The following WDFY4 variants were observed in gnomAD, a reference collection of about 807,000 sequenced individuals.
The protein encoded by WDFY4 is WDFY family member 4.
WDFY4 carries 169 observed loss-of-function variants against 351.9 expected under a neutral mutation model. The observed-to-expected ratio is 0.48, with a 90% CI of 0.42 to 0.55. The LOEUF (loss-of-function observed/expected upper bound fraction) is 0.55, where lower values mean the gene tolerates loss of function less well. WDFY4 is among the 20% of genes least tolerant of loss of function. The pLI, the probability that WDFY4 is intolerant of heterozygous loss-of-function variation, is 0.00. For missense variants in WDFY4, 3,803 were observed against 3,935.6 expected (o/e 0.97, Z 0.90); for synonymous variants, 1,622 against 1,574.6 (o/e 1.03, Z -0.71).
chr10:48,737,373 G>C (rs2064706060), intron 11 of WDFY4, among the ~76,000 whole-genome samples: 1 of 151,986 alleles, frequency 6.6e-6, no homozygotes, highest in Non-Finnish European at 1.5e-5. Flanking sequence ...AAAAAGTGAA[G>C]TTGCTCTGAT....
intron 47 of WDFY4, chr10:48,910,887 GCTCTGTAAC>G: frequency 1.0e-6 from 1 of 984,666 alleles, no homozygotes; most frequent in Non-Finnish European, 1.2e-6. Flanking sequence ...CACCAGGTGG[GCTCTGTAAC>G]CTCGATGTTT....
intron 39 of WDFY4, among the ~76,000 whole-genome samples, chr10:48,862,100 C>G (rs1021986886): frequency 2.0e-5 from 3 of 152,138 alleles, no homozygotes; most frequent in Admixed American, 1.3e-4. Flanking sequence ...GTTGTTGAAG[C>G]ATTTTTATGA....
At chr10:48,974,731 C>T (rs967184395) in intron 57 of WDFY4, 131 bp from the exon 58 acceptor site, 46 of 955,304 alleles carry the variant, frequency 4.8e-5, no homozygotes, top group Non-Finnish European at 5.9e-5. Context: ...AGACAACAGA[C>T]TTGGGAATCA....
At chr10:48,762,938 GGT>G (rs1433784979) in intron 13 of WDFY4, among the ~76,000 whole-genome samples, 1 of 152,246 alleles carries the variant, frequency 6.6e-6, no homozygotes, top group African/African-American at 2.4e-5. Flanking sequence ...AGGGGTGACA[GGT>G]GTGTGTAGGT....
Position 48,969,120 on chromosome 10 carries a change from G to A in WDFY4, c.8641G>A (p.Val2881Ile). 6.4e-7 allele frequency: 1 copy of A among 1,551,766 alleles called. No homozygotes were observed. Among genetic ancestry groups the A allele is most frequent in the Non-Finnish European group, 8.7e-7 (1 of 1,146,964 alleles). ...CCCCAAAGGGGCCATTGGCCACATT[G>A]TCTCTACTGAGAAGACCATTCTGGC... ...ESPKGAIGHI[V>I]STEKTILAVE... The change falls in exon 56 of 62, where the codon GTC becomes ATC. Residue 2881 changes from valine (V) to isoleucine (I), a missense_variant. Coordinates refer to ENST00000325239, the MANE Select transcript of WDFY4 (RefSeq NM_001394531.1).
intron 23 of WDFY4, among the ~76,000 whole-genome samples, chr10:48,791,264 C>G (rs986655188): frequency 6.6e-5 from 10 of 152,254 alleles, no homozygotes; most frequent in African/African-American, 2.2e-4. Flanking sequence ...TAAATCCTAT[C>G]TCTTCTAATT....
intron 39 of WDFY4, among the ~76,000 whole-genome samples, chr10:48,845,696 G>A (rs2068751433): frequency 6.6e-6 from 1 of 152,132 alleles, no homozygotes; most frequent in South Asian, 2.1e-4. Context: ...TTTATATTCT[G>A]ACTCTCTCCC....
chr10:48,917,063 T>C (rs1054230877), intron 47 of WDFY4, among the ~76,000 whole-genome samples: 4 of 152,210 alleles, frequency 2.6e-5, no homozygotes, highest in Non-Finnish European at 5.9e-5. Flanking sequence ...CTATAGTGTT[T>C]AGTACAGTAA....
intron 20 of WDFY4, among the ~76,000 whole-genome samples, chr10:48,787,280 G>C (rs567624700): frequency 6.6e-6 from 1 of 152,318 alleles, no homozygotes; most frequent in East Asian, 1.9e-4. Context: ...ATTGTTCTCT[G>C]TGCTCTGTCA....
At chr10:48,913,634 T>C (rs375321365) in intron 47 of WDFY4, 19 of 1,613,876 alleles carry the variant, frequency 1.2e-5, no homozygotes, top group African/African-American at 1.3e-5. Context: ...GGTTCCGCTT[T>C]ATGTTGAGCT....
intron 38 of WDFY4, 47 bp from the exon 39 acceptor site, chr10:48,832,526 G>T: frequency 1.3e-6 from 2 of 1,485,308 alleles, no homozygotes; most frequent in Non-Finnish European, 9.0e-7. Flanking sequence ...TAAAAATAGT[G>T]TGTGCTCTCA....
intron 47 of WDFY4, among the ~76,000 whole-genome samples, chr10:48,923,140 G>A (rs1293630739): frequency 6.6e-6 from 1 of 152,144 alleles, no homozygotes; most frequent in Non-Finnish European, 1.5e-5. Context: ...CACGTTGGAA[G>A]TCTGTGATTT....
intron 11 of WDFY4, among the ~76,000 whole-genome samples, chr10:48,740,785 C>T (rs953898093): frequency 3.3e-5 from 5 of 152,194 alleles, no homozygotes; most frequent in Admixed American, 2.0e-4. Flanking sequence ...TAGTGGGTGG[C>T]CTTGATGCTG....
intron 11 of WDFY4, among the ~76,000 whole-genome samples, chr10:48,736,490 C>T (rs1306642058): frequency 1.3e-5 from 2 of 152,200 alleles, no homozygotes; most frequent in Non-Finnish European, 2.9e-5. Context: ...AAATGTTTTC[C>T]CTGGCTAGGC....
intron 47 of WDFY4, among the ~76,000 whole-genome samples, chr10:48,941,102 G>A (rs553672022): frequency 5.9e-5 from 9 of 152,278 alleles, no homozygotes; most frequent in Non-Finnish European, 1.3e-4. Context: ...TGAGAACAAA[G>A]CCTGTCATGG....
rs1310766538 is a variant in WDFY4, at chr10:48,727,542, G to C, written c.854G>C (p.Ser285Thr). 6.4e-7 allele frequency: 1 copy of C among 1,551,852 alleles called. No homozygotes were observed. The highest frequency in any genetic ancestry group is 8.7e-7 in the Non-Finnish European group (1 of 1,147,036). Residue 285 changes from serine to threonine, a missense_variant, in exon 7 of 62, where the codon AGC becomes ACC. Around this residue, in one of 3 missense-constraint regions of WDFY4, gnomAD observed 488 missense variants for 456.8 expected, o/e 1.07. Coordinates refer to ENST00000325239, the MANE Select transcript of WDFY4 (RefSeq NM_001394531.1). Reference sequence around the variant, plus strand: ...GACACTCTCCCTGCCCCTGAAGTGAGCGAGGCTGTAAGCCTGATCTTGGGA... The same window carrying C: ...GACACTCTCCCTGCCCCTGAAGTGACCGAGGCTGTAAGCCTGATCTTGGGA... ...LTDTLPAPEV[S>T]EAVSLILGFV...
At chr10:48,974,190 A>G (rs1171042721) in intron 57 of WDFY4, among the ~76,000 whole-genome samples, 1 of 152,160 alleles carries the variant, frequency 6.6e-6, no homozygotes, top group Non-Finnish European at 1.5e-5. Flanking sequence ...GTTTGCCAAC[A>G]GTGCTTTGTA....
At chr10:48,723,623 A>G in intron 5 of WDFY4, 56 bp downstream of exon 5, 1 of 1,544,392 alleles carries the variant, frequency 6.5e-7, no homozygotes, top group East Asian at 2.5e-5. Context: ...TCGGGGACAG[A>G]CTCTCCAATG....
At chr10:48,876,071 C>G (rs2069991371) in intron 42 of WDFY4, among the ~76,000 whole-genome samples, 1 of 152,106 alleles carries the variant, frequency 6.6e-6, no homozygotes, top group African/African-American at 2.4e-5. Flanking sequence ...ACATGCAGAG[C>G]CCCTGGGTGT....
Sources: gnomAD v4.1 joint callset for allele counts (sites outside exome capture counted in the v4.1 genomes callset) on GRCh38, gnomAD v4.1.1 for gene constraint, gnomAD v4.1.1 regional missense constraint, MANE v1.5 for transcripts, NCBI Gene and HGNC (gene_info 2026-07-23, HGNC 2026-07-21) for gene names.